Variants in RASGEF1C observed in about 807,000 individuals in gnomAD.
RASGEF1C encodes ras-GEF domain-containing family member 1C.
Under a neutral mutation model 58.1 loss-of-function variants are expected in RASGEF1C, and 27 were observed. The ratio of observed to expected loss-of-function variants is 0.46; its 90% CI spans 0.34 to 0.64. RASGEF1C has a LOEUF of 0.64. Ranked by LOEUF, RASGEF1C falls within the 30% of genes least tolerant of loss-of-function variation. RASGEF1C has a pLI of 0.01. For missense variants in RASGEF1C, 502 were observed against 605.1 expected (o/e 0.83, Z 1.79); for synonymous variants, 243 against 246.3 (o/e 0.99, Z 0.13).
At chr5:180,203,890 G>A (rs1193616621) in intron 1 of RASGEF1C, among the ~76,000 whole-genome samples, 1 of 152,172 alleles carries the variant, frequency 6.6e-6, no homozygotes, top group South Asian at 2.1e-4. Flanking sequence ...CCACTTGGGA[G>A]GCTGAGGCAG....
intron 1 of RASGEF1C, among the ~76,000 whole-genome samples, chr5:180,175,849 G>A (rs62406138): frequency 2.0e-5 from 3 of 151,940 alleles, no homozygotes; most frequent in Non-Finnish European, 4.4e-5. Context: ...TTAGCCGGGC[G>A]CAGTGGCGGG....
At chr5:180,194,177 G>C (rs1176901406) in intron 1 of RASGEF1C, among the ~76,000 whole-genome samples, 1 of 152,218 alleles carries the variant, frequency 6.6e-6, no homozygotes, top group Non-Finnish European at 1.5e-5. Context: ...GGGGAGGGCA[G>C]CCGAACGCGC....
chr5:180,159,297 GC>G (rs1031488046), intron 1 of RASGEF1C, among the ~76,000 whole-genome samples: 15 of 151,728 alleles, frequency 9.9e-5, no homozygotes, highest in African/African-American at 3.6e-4. Context: ...GCACCACCAC[GC>G]CCGGCTAATT....
intron 1 of RASGEF1C, among the ~76,000 whole-genome samples, chr5:180,185,099 T>G (rs1756009924): frequency 6.6e-6 from 1 of 151,652 alleles, no homozygotes; most frequent in African/African-American, 2.4e-5. Flanking sequence ...GAGACCATCC[T>G]GGCTAACACG....
At chr5:180,106,506 T>G (rs1461509747) in intron 12 of RASGEF1C, among the ~76,000 whole-genome samples, 1 of 152,234 alleles carries the variant, frequency 6.6e-6, no homozygotes, top group East Asian at 1.9e-4. Flanking sequence ...TTTTTAAATT[T>G]TCCATGAGCC....
intron 4 of RASGEF1C, among the ~76,000 whole-genome samples, chr5:180,130,403 G>A (rs1222299762): frequency 2.6e-5 from 4 of 152,192 alleles, no homozygotes; most frequent in East Asian, 1.9e-4. Flanking sequence ...GGAGTGGGGC[G>A]CAGCCACTGC....
At chr5:180,107,736 G>A (rs1282744373) in intron 12 of RASGEF1C, among the ~76,000 whole-genome samples, 1 of 152,102 alleles carries the variant, frequency 6.6e-6, no homozygotes. Context: ...AGCCACCCAA[G>A]TAGCTGGGAT....
intron 1 of RASGEF1C, among the ~76,000 whole-genome samples, chr5:180,152,502 G>T (rs977157327): frequency 1.6e-4 from 22 of 139,684 alleles, no homozygotes; most frequent in East Asian, 1.5e-3. Context: ...TCATAGGTGG[G>T]AATTGAACAA....
At chr5:180,176,751 T>C (rs1472604275) in intron 1 of RASGEF1C, among the ~76,000 whole-genome samples, 7 of 152,096 alleles carry the variant, frequency 4.6e-5, no homozygotes, top group Non-Finnish European at 8.8e-5. Flanking sequence ...AGAGATGGGG[T>C]TTCACCATGT....
intron 1 of RASGEF1C, among the ~76,000 whole-genome samples, chr5:180,191,658 A>G (rs1031831341): frequency 1.3e-5 from 2 of 152,300 alleles, no homozygotes; most frequent in East Asian, 1.9e-4. Flanking sequence ...GCCCGGCCAC[A>G]GTGGCTTATT....
At position 180,154,214 on chromosome 5, in the gene RASGEF1C, G is replaced by A. The variant is rs542387385; in HGVS notation, c.-6-16156C>T. Among the ~76,000 whole-genome samples, 6 of 152,268 alleles carry A rather than the reference G, an allele frequency of 3.9e-5. No homozygotes were observed. In the East Asian group the frequency reaches 1.2e-3, roughly 29 times the overall value. ...GGAGCCTCAGCTGGCCCCGGGCACT[G>A]TTGCAAGGGTCAAATGGGCCTCTTT... On this transcript the variant is annotated intron_variant, in intron 1 of 13. Transcript: ENST00000361132.
At chr5:180,159,301 G>A (rs554482187) in intron 1 of RASGEF1C, among the ~76,000 whole-genome samples, 11 of 151,868 alleles carry the variant, frequency 7.2e-5, no homozygotes, top group African/African-American at 1.9e-4. Context: ...CACCACGCCC[G>A]GCTAATTTTT....
Position 180,156,872 on chromosome 5 carries a change from G to A in RASGEF1C, c.-6-18814C>T, listed in dbSNP as rs4632753. 0.29 allele frequency among the ~76,000 whole-genome samples: 43,885 copies of A among 152,042 alleles called. 7,058 individuals carry two copies. Among genetic ancestry groups the A allele is most frequent in the East Asian group, 0.51 (2,617 of 5,166 alleles). On this transcript the variant is annotated intron_variant, in intron 1 of 13. Coordinates refer to ENST00000361132, the MANE Select transcript of RASGEF1C (RefSeq NM_175062.4). The surrounding 1 kb of genome is among the most constrained non-coding windows in gnomAD (Gnocchi z 4.9). ...ATAAAGGAGACAAAGACCTTAACAGGCACCTGACCAAAGAAGATATAAGAC... is the reference window on the plus strand; with the variant it reads ...ATAAAGGAGACAAAGACCTTAACAGACACCTGACCAAAGAAGATATAAGAC...
At chr5:180,114,394 G>A (rs1454972594) in intron 11 of RASGEF1C, 52 bp downstream of exon 11, 6 of 1,568,560 alleles carry the variant, frequency 3.8e-6, no homozygotes, top group Non-Finnish European at 3.5e-6. Context: ...TCCTGCCCTG[G>A]GAACTTTTCC....
intron 1 of RASGEF1C, among the ~76,000 whole-genome samples, chr5:180,175,935 C>T (rs1239055566): frequency 1.3e-5 from 2 of 152,180 alleles, no homozygotes; most frequent in African/African-American, 4.8e-5. Flanking sequence ...TTGAAGTGAG[C>T]GGAGATCACG....
chr5:180,206,638 T>C (rs1007975117), intron 1 of RASGEF1C, among the ~76,000 whole-genome samples: 4 of 152,250 alleles, frequency 2.6e-5, no homozygotes, highest in Non-Finnish European at 2.9e-5. Context: ...AGTTATCCAT[T>C]ACTCCATTAT....
intron 1 of RASGEF1C, among the ~76,000 whole-genome samples, chr5:180,174,485 T>TGC (rs1554114698): frequency 8.5e-6 from 1 of 117,988 alleles, no homozygotes; most frequent in Non-Finnish European, 2.0e-5. Flanking sequence ...TGTGTCTGTG[T>TGC]GTGCGCGTGT....
At chr5:180,120,684 C>T (rs184237128) in intron 7 of RASGEF1C, among the ~76,000 whole-genome samples, 19 of 152,306 alleles carry the variant, frequency 1.2e-4, no homozygotes, top group African/African-American at 3.4e-4. Context: ...GCTCAAAGGT[C>T]GGCTCTCGTC....
rs565596336 is a variant in RASGEF1C at position 180,151,243 on chromosome 5, G to C, written c.-6-13185C>G. Among the ~76,000 whole-genome samples the C allele has an allele frequency of 2.6e-5, 4 of 152,204 alleles. No individual in the cohort carries two copies. In the East Asian group the frequency reaches 7.7e-4, roughly 29 times the overall value. On this transcript the variant is annotated intron_variant, in intron 1 of 13. Transcript: ENST00000361132. The stretch of plus-strand genomic sequence containing the variant: ...CTAAAGTTCATATGGAACCAAAAAA[G>C]ACCCCCGCATTGCCAAGTCAATGCT...
Sources: gnomAD v4.1 joint callset for allele counts (sites outside exome capture counted in the v4.1 genomes callset) on GRCh38, gnomAD v4.1.1 for gene constraint, Gnocchi (gnomAD v3.1) non-coding constraint, MANE v1.5 for transcripts, NCBI Gene and HGNC (gene_info 2026-07-23, HGNC 2026-07-21) for gene names.